Variants in ANKS1B observed in about 807,000 individuals in gnomAD.
ANKS1B encodes the protein ankyrin repeat and sterile alpha motif domain-containing protein 1B.
In ANKS1B, 36 loss-of-function variants were observed where a neutral mutation model predicts 148.3. The ratio of observed to expected loss-of-function variants is 0.24; its 90% CI spans 0.19 to 0.32. The LOEUF is 0.32. ANKS1B is among the 10% of genes least tolerant of loss of function. The pLI is 1.00. For missense variants in ANKS1B, 1,157 were observed against 1,542.6 expected (o/e 0.75, Z 4.19); for synonymous variants, 542 against 560.8 (o/e 0.97, Z 0.47).
intron 3 of ANKS1B, among the ~76,000 whole-genome samples, chr12:99,808,936 G>T (rs2067982922): frequency 6.6e-6 from 1 of 152,052 alleles, no homozygotes; most frequent in South Asian, 2.1e-4. Context: ...AATCATTCAA[G>T]ACCTACTCAG....
intron 12 of ANKS1B, among the ~76,000 whole-genome samples, chr12:99,260,936 A>G (rs2075862793): frequency 6.6e-6 from 1 of 152,214 alleles, no homozygotes; most frequent in African/African-American, 2.4e-5. Flanking sequence ...ATATTCATTT[A>G]GCAACTATCT....
chr12:99,062,564 C>T (rs549530262), intron 16 of ANKS1B, among the ~76,000 whole-genome samples: 9 of 152,028 alleles, frequency 5.9e-5, no homozygotes, highest in Middle Eastern at 3.4e-3. Context: ...GCTGCAGAGA[C>T]GTCTAATAAA....
chr12:99,461,602 C>T lies in ANKS1B; in HGVS notation c.1439-17793G>A, dbSNP rs139578878. Among the ~76,000 whole-genome samples, 1,259 of 152,206 alleles carry T rather than the reference C, an allele frequency of 8.3e-3. 6 individuals are homozygous for T. Among genetic ancestry groups the T allele is most frequent in the Middle Eastern group, 0.027 (8 of 294 alleles). ...TCAGATGATGCTATAGTCCATACTTCCTCATAGCTATAATTTATGAACTTC... is the reference window on the plus strand; with the variant it reads ...TCAGATGATGCTATAGTCCATACTTTCTCATAGCTATAATTTATGAACTTC... On this transcript the variant is annotated intron_variant, in intron 10 of 26. Coordinates refer to ENST00000683438, the MANE Select transcript of ANKS1B (RefSeq NM_001352186.2).
At chr12:99,940,920 A>G (rs1382670143) in intron 1 of ANKS1B, among the ~76,000 whole-genome samples, 1 of 152,182 alleles carries the variant, frequency 6.6e-6, no homozygotes, top group Non-Finnish European at 1.5e-5. Flanking sequence ...AGACTATAGT[A>G]GCCTTCATTT....
chr12:98,862,565 A>T (rs2099604571), intron 17 of ANKS1B, among the ~76,000 whole-genome samples: 1 of 152,190 alleles, frequency 6.6e-6, no homozygotes, highest in Non-Finnish European at 1.5e-5. Context: ...AGAATATGAA[A>T]TTTCATCAAT....
intron 1 of ANKS1B, among the ~76,000 whole-genome samples, chr12:99,924,359 G>C (rs965305656): frequency 6.6e-6 from 1 of 152,124 alleles, no homozygotes; most frequent in African/African-American, 2.4e-5. Flanking sequence ...ATTACTCAAG[G>C]AATTGTTCTC....
chr12:99,351,520 G>A (rs2091420690), intron 12 of ANKS1B, among the ~76,000 whole-genome samples: 1 of 151,686 alleles, frequency 6.6e-6, no homozygotes, highest in African/African-American at 2.4e-5. Context: ...GACAGACCTG[G>A]GTTTGAATTA....
At chr12:99,500,282 C>T (rs2860043) in intron 10 of ANKS1B, among the ~76,000 whole-genome samples, 23,205 of 152,078 alleles carry the variant, frequency 0.15, 1,841 homozygotes, top group Non-Finnish European at 0.17. Context: ...GGACGTAATA[C>T]AAATGATGCA....
chr12:99,882,775 G>A (rs2092602656), intron 1 of ANKS1B, among the ~76,000 whole-genome samples: 1 of 152,072 alleles, frequency 6.6e-6, no homozygotes, highest in African/African-American at 2.4e-5. Context: ...AACACCACCT[G>A]TTCCCCCAAA....
intron 1 of ANKS1B, among the ~76,000 whole-genome samples, chr12:99,959,568 T>C (rs2153830363): frequency 6.6e-6 from 1 of 152,314 alleles, no homozygotes. Flanking sequence ...GTATTGTATA[T>C]TTATTTGTCT....
chr12:99,472,560 GT>G (rs1326371914), intron 10 of ANKS1B, among the ~76,000 whole-genome samples: 1 of 152,012 alleles, frequency 6.6e-6, no homozygotes, highest in African/African-American at 2.4e-5. Context: ...TTATAATTCT[GT>G]TTTCATTTTA....
intron 15 of ANKS1B, among the ~76,000 whole-genome samples, chr12:99,090,034 A>G (rs2053495770): frequency 6.6e-6 from 1 of 152,178 alleles, no homozygotes; most frequent in Non-Finnish European, 1.5e-5. Context: ...AAAGTCACCT[A>G]ATGTTTTATG....
chr12:99,484,121 T>G (rs1595690038), intron 10 of ANKS1B, among the ~76,000 whole-genome samples: 1 of 152,038 alleles, frequency 6.6e-6, no homozygotes, highest in Admixed American at 6.6e-5. Context: ...CAGTTTTTGA[T>G]GTGGGCATTG....
chr12:99,311,001 A>G lies in ANKS1B; in HGVS notation c.1757-64137T>C, dbSNP rs141356574. 3.9e-4 allele frequency among the ~76,000 whole-genome samples: 60 copies of G among 152,302 alleles called. 1 individual carries two copies. In the East Asian group the frequency reaches 9.3e-3, roughly 24 times the overall value. ...CCTAATGGAACTTTGTGAGAATTAA[A>G]TGAGCTATTACATATAAGACACTTA... On this transcript the variant is annotated intron_variant, in intron 12 of 26. Transcript: ENST00000683438.
chr12:99,180,788 C>T (rs2079025881), intron 14 of ANKS1B, among the ~76,000 whole-genome samples: 1 of 152,078 alleles, frequency 6.6e-6, no homozygotes, highest in Non-Finnish European at 1.5e-5. Flanking sequence ...TTGCTGACTA[C>T]TTTGAACTGA....
At chr12:99,339,750 G>A (rs187671082) in intron 12 of ANKS1B, among the ~76,000 whole-genome samples, 2 of 152,014 alleles carry the variant, frequency 1.3e-5, no homozygotes, top group Admixed American at 6.6e-5. Context: ...GTTTTCAGGC[G>A]CCCATCCTCC....
intron 17 of ANKS1B, among the ~76,000 whole-genome samples, chr12:98,844,194 C>T (rs556337633): frequency 3.9e-5 from 6 of 152,342 alleles, no homozygotes; most frequent in Admixed American, 6.5e-5. Flanking sequence ...AATTACTTAA[C>T]GTCTCTCAGT....
chr12:99,814,264 T>C (rs766450680), intron 2 of ANKS1B, among the ~76,000 whole-genome samples: 4 of 151,712 alleles, frequency 2.6e-5, no homozygotes, highest in Non-Finnish European at 5.9e-5. Context: ...TTAGTCTCAT[T>C]TTCTTTTTCT....
chr12:99,458,422 G>A (rs2095882185), intron 10 of ANKS1B, among the ~76,000 whole-genome samples: 1 of 149,498 alleles, frequency 6.7e-6, no homozygotes, highest in South Asian at 2.1e-4. Flanking sequence ...CAAGATCGGA[G>A]CAGAACTAAA....
Sources: gnomAD v4.1 joint callset for allele counts (sites outside exome capture counted in the v4.1 genomes callset) on GRCh38, gnomAD v4.1.1 for gene constraint, MANE v1.5 for transcripts, NCBI Gene and HGNC (gene_info 2026-07-23, HGNC 2026-07-21) for gene names.